AHRR: variants seen among roughly 807,000 people sequenced by gnomAD.
AHRR encodes ahR repressor.
A neutral mutation model predicts 44.0 loss-of-function variants in AHRR; 28 were observed. That is an observed-to-expected ratio of 0.64 (90% CI 0.47 to 0.87). The LOEUF (loss-of-function observed/expected upper bound fraction) is 0.87. Among genes scored for constraint, AHRR ranks in the 40% least tolerant of loss-of-function variants. AHRR has a pLI of 0.00. For synonymous variants in AHRR, 434 were observed against 407.0 expected (o/e 1.07, Z -0.80); for missense variants, 990 against 953.9 (o/e 1.04, Z -0.50).
intron 1 of AHRR, among the ~76,000 whole-genome samples, chr5:329,007 G>A (rs1741825126): frequency 6.6e-6 from 1 of 152,156 alleles, no homozygotes; most frequent in Admixed American, 6.5e-5. Flanking sequence ...TTTAGGGAGA[G>A]ACCTGGTGGG....
chr5:343,814 C>T, intron 1 of AHRR, 79 bp from the exon 2 acceptor site: 1 of 1,469,914 alleles, frequency 6.8e-7, no homozygotes, highest in Non-Finnish European at 9.2e-7. Context: ...CAGGACCGCG[C>T]TGAGGGGCCC....
At position 338,341 on chromosome 5, in the gene AHRR, G is replaced by T. The variant is rs1029365387; in HGVS notation, c.-10-5552G>T. On this transcript the variant is annotated intron_variant, in intron 1 of 10. Transcript: ENST00000684583. The surrounding 1 kb of genome is among the most constrained non-coding windows in gnomAD (Gnocchi z 4.1). ...CTTATAGTGTGGGTCAGCTAGTGAT[G>T]ATTTCTTTCAGTTTTTGTGCATCTG... 2.6e-5 allele frequency among the ~76,000 whole-genome samples: 4 copies of T among 152,132 alleles called. No individual in the cohort carries two copies. The highest frequency in any genetic ancestry group is 9.7e-5 in the African/African-American group (4 of 41,416).
intron 4 of AHRR, among the ~76,000 whole-genome samples, chr5:380,247 C>A (rs1198003028): frequency 6.6e-6 from 1 of 152,148 alleles, no homozygotes; most frequent in Non-Finnish European, 1.5e-5. Context: ...TAAAATAAGA[C>A]TTGATATCAA....
chr5:380,803 C>A (rs1276487455), intron 4 of AHRR, among the ~76,000 whole-genome samples: 3 of 152,058 alleles, frequency 2.0e-5, no homozygotes, highest in African/African-American at 7.2e-5. Context: ...ATGTGAGGAG[C>A]CTTATTAGAG....
intron 3 of AHRR, among the ~76,000 whole-genome samples, chr5:372,015 G>A (rs983957605): frequency 1.3e-5 from 2 of 152,196 alleles, no homozygotes; most frequent in African/African-American, 4.8e-5. Flanking sequence ...AGGCAGTCCT[G>A]CCAATAGGGA....
At chr5:421,435 C>T (rs1268246695) in intron 5 of AHRR, 11 of 541,210 alleles carry the variant, frequency 2.0e-5, no homozygotes, top group Non-Finnish European at 3.6e-5. Flanking sequence ...AGCAGCCTCG[C>T]GGGTGCCGGC....
chr5:424,819 C>T (rs1736313454), intron 7 of AHRR, among the ~76,000 whole-genome samples: 1 of 152,138 alleles, frequency 6.6e-6, no homozygotes, highest in African/African-American at 2.4e-5. Context: ...TTGACCATTT[C>T]TTCTTCCAGC....
chr5:372,298 T>C (rs1743606198), intron 3 of AHRR, among the ~76,000 whole-genome samples: 1 of 151,996 alleles, frequency 6.6e-6, no homozygotes, highest in South Asian at 2.1e-4. Flanking sequence ...CATGGAGGCA[T>C]GTCCTCCTTC....
At chr5:376,555 A>AAACCGTGGGGT in intron 3 of AHRR, 55 bp from the exon 4 acceptor site, 1 of 1,428,922 alleles carries the variant, frequency 7.0e-7, no homozygotes, top group Non-Finnish European at 9.4e-7. Context: ...TGAATGAAGA[A>AAACCGTGGGGT]GAGTGGCCAG....
In AHRR at chr5:388,841, G is replaced by A. The variant is rs1477813856; in HGVS notation, c.351+12125G>A. 6.6e-6 allele frequency among the ~76,000 whole-genome samples: 1 copy of A among 152,244 alleles called. No homozygotes were observed. Among genetic ancestry groups the A allele is most frequent in the African/African-American group, 2.4e-5 (1 of 41,462 alleles). ...AACAGGAAGCTGGCAGGAGGACAGT[G>A]TGGCTGGGCCAGATGCCTGAGGACA... On this transcript the variant is annotated intron_variant, in intron 4 of 10. Transcript: ENST00000684583. The surrounding 1 kb of genome is among the most constrained non-coding windows in gnomAD (Gnocchi z 5.2).
intron 1 of AHRR, among the ~76,000 whole-genome samples, chr5:332,263 CTTTTTTTTTTT>C: frequency 8.5e-6 from 1 of 116,988 alleles, no homozygotes; most frequent in South Asian, 3.0e-4. Flanking sequence ...TCTGTTAAGA[CTTTTTTTTTTT>C]TTTTTTTTTT....
At position 399,563 on chromosome 5, in the gene AHRR, C is replaced by T. The variant is rs548107774; in HGVS notation, c.352-13781C>T. 4.6e-5 allele frequency among the ~76,000 whole-genome samples: 7 copies of T among 152,352 alleles called. No individual in the cohort carries two copies. The East Asian group carries it at 7.7e-4, about 17-fold the overall frequency. Reference sequence around the variant, plus strand: ...GGTGCCTGGTGCTGCTGCTCACCGCCGCCCTCACAGACGCTCACTGTTGCC... The same window carrying T: ...GGTGCCTGGTGCTGCTGCTCACCGCTGCCCTCACAGACGCTCACTGTTGCC... On this transcript the variant is annotated intron_variant, in intron 4 of 10. Coordinates refer to ENST00000684583, the MANE Select transcript of AHRR (RefSeq NM_001377236.1).
chr5:433,114 C>T (rs1440202236), intron 10 of AHRR, among the ~76,000 whole-genome samples, 167 bp downstream of exon 10: 1 of 152,246 alleles, frequency 6.6e-6, no homozygotes, highest in East Asian at 1.9e-4. Flanking sequence ...GCTGTCCACA[C>T]AGCTTCCCGG....
chr5:353,709 AC>A lies in AHRR; in HGVS notation c.63-18del. 6.3e-7 allele frequency: 1 copy of A among 1,594,512 alleles called. No homozygotes were observed. On this transcript the variant is annotated intron_variant, in intron 2 of 10. Transcript: ENST00000684583. Reference sequence around the variant, plus strand: ...GGCTTCTGGTGGAGAAGCCCACCTGACCCAGACCATCTCCCCACAGGAGGCC... The same window carrying A: ...GGCTTCTGGTGGAGAAGCCCACCTGACCAGACCATCTCCCCACAGGAGGCC...
At chr5:371,237 C>A (rs1743571272) in intron 3 of AHRR, among the ~76,000 whole-genome samples, 4 of 152,204 alleles carry the variant, frequency 2.6e-5, no homozygotes, top group Non-Finnish European at 5.9e-5. Context: ...TTCACCGAGC[C>A]CACGGATTCA....
intron 10 of AHRR, among the ~76,000 whole-genome samples, chr5:433,627 G>C (rs1250720246): frequency 1.3e-5 from 2 of 152,172 alleles, no homozygotes; most frequent in African/African-American, 4.8e-5. Context: ...GCCCCACCCT[G>C]GGCCTTCCTC....
Position 344,138 on chromosome 5 carries a change from G to A in AHRR, c.62+174G>A, listed in dbSNP as rs556833013. On this transcript the variant is annotated intron_variant, in intron 2 of 10. Transcript: ENST00000684583. ...GGCGCAGGAGTCGTCTCCCCGCAGCGCCCCGGTGCCCGGAGCCCCCGGCGA... is the reference window on the plus strand; with the variant it reads ...GGCGCAGGAGTCGTCTCCCCGCAGCACCCCGGTGCCCGGAGCCCCCGGCGA... Among the ~76,000 whole-genome samples the A allele has an allele frequency of 2.6e-5, 4 of 151,462 alleles. No homozygotes were observed. In the South Asian group the frequency reaches 8.3e-4, roughly 31 times the overall value.
Position 432,773 on chromosome 5 carries a change from G to A in AHRR, c.971-33G>A, listed in dbSNP as rs373686823. ...TTCCAGGAGCTCCTCAGCTCGCACC[G>A]TGACGGCTTCCCCCCCCTCTAAACC... On this transcript the variant is annotated intron_variant, in intron 9 of 10. Coordinates refer to ENST00000684583, the MANE Select transcript of AHRR (RefSeq NM_001377236.1). 2.2e-5 allele frequency: 35 copies of A among 1,612,422 alleles called. No individual in the cohort carries two copies. In the Admixed American group the frequency reaches 4.5e-4, roughly 21 times the overall value.
At chr5:413,210 G>T in intron 4 of AHRR, 134 bp from the exon 5 acceptor site, 1 of 544,606 alleles carries the variant, frequency 1.8e-6, no homozygotes. Context: ...ATAAAAAGTG[G>T]GCATTTCTAG....
Sources: allele counts gnomAD v4.1 joint callset (sites outside exome capture counted in the v4.1 genomes callset), GRCh38; gene constraint gnomAD v4.1.1; non-coding constraint Gnocchi (gnomAD v3.1); transcripts MANE v1.5; gene names NCBI Gene and HGNC (gene_info 2026-07-23, HGNC 2026-07-21).